Variants in LYRM4 observed in about 807,000 individuals in gnomAD.
The protein encoded by LYRM4 is LYR motif-containing protein 4.
LYRM4 carries 9 observed loss-of-function variants against 11.7 expected under a neutral mutation model. That is an observed-to-expected ratio of 0.77 (90% confidence interval 0.46 to 1.34). The LOEUF (loss-of-function observed/expected upper bound fraction) is 1.34, where lower values mean the gene tolerates loss of function less well. Ranked by LOEUF, LYRM4 falls within the 40% of genes most tolerant of loss-of-function variation. LYRM4 has a pLI of 0.00. For missense variants in LYRM4, 133 were observed against 112.5 expected (o/e 1.18, Z -0.82); for synonymous variants, 42 against 40.4 (o/e 1.04, Z -0.15).
At chr6:5,057,688 C>T in the LYRM4 span, among the ~76,000 whole-genome samples, 2 of 150,584 alleles carry the variant, frequency 1.3e-5, no homozygotes, top group Non-Finnish European at 2.9e-5. Context: ...GCACTCTAGC[C>T]TGGGCGACAG....
chr6:5,140,833 CT>C (rs1757367110), intron 2 of LYRM4, among the ~76,000 whole-genome samples: 1 of 152,196 alleles, frequency 6.6e-6, no homozygotes, highest in South Asian at 2.1e-4. Context: ...AAAACGTAGA[CT>C]TTCCTTTTTC....
chr6:5,151,362 C>T (rs561953334), intron 2 of LYRM4, among the ~76,000 whole-genome samples: 2 of 152,258 alleles, frequency 1.3e-5, no homozygotes, highest in South Asian at 4.2e-4. Context: ...GGATTACAGG[C>T]ATGAGCCACC....
intron 2 of LYRM4, among the ~76,000 whole-genome samples, chr6:5,173,394 C>A (rs531946856): frequency 1.3e-5 from 2 of 152,334 alleles, no homozygotes; most frequent in South Asian, 4.1e-4. Context: ...AAGTTTCTAA[C>A]CTCTGTATGA....
intron 1 of LYRM4, among the ~76,000 whole-genome samples, chr6:5,258,061 C>T (rs1480263034): frequency 6.6e-6 from 1 of 152,088 alleles, no homozygotes; most frequent in Non-Finnish European, 1.5e-5. Context: ...TGATAAAGGG[C>T]CTGCTGGATA....
intron 1 of LYRM4, among the ~76,000 whole-genome samples, chr6:5,259,581 T>TGGGCAGACCCATCTCAGGGCC (rs1764866477): frequency 6.6e-6 from 1 of 152,086 alleles, no homozygotes; most frequent in South Asian, 2.1e-4. Context: ...GAGGTTGTAC[T>TGGGCAGACCCATCTCAGGGCC]GGGCAGACCC....
At chr6:5,186,983 T>C (rs1336940966) in intron 2 of LYRM4, 1 of 717,294 alleles carries the variant, frequency 1.4e-6, no homozygotes, top group Non-Finnish European at 1.7e-6. Flanking sequence ...GAGTCCATCT[T>C]AAAAAAAAAA....
At chr6:5,142,871 C>T (rs200863) in intron 2 of LYRM4, among the ~76,000 whole-genome samples, 67,588 of 152,080 alleles carry the variant, frequency 0.44, 16,808 homozygotes, top group East Asian at 0.81. Flanking sequence ...CTAAGGAGAG[C>T]GCAGCCATCC....
the LYRM4 span, among the ~76,000 whole-genome samples, chr6:5,062,134 G>C: frequency 7.6e-6 from 1 of 131,004 alleles, no homozygotes; most frequent in Non-Finnish European, 1.5e-5. Context: ...GCCCAGGCTA[G>C]TGTGCAGTGG....
chr6:5,240,598 C>T (rs1193474741), intron 1 of LYRM4: 1 of 152,156 alleles, frequency 6.6e-6, no homozygotes, highest in Non-Finnish European at 1.5e-5. Context: ...GACAAGACAT[C>T]CTGGGCAAAG....
At chr6:5,057,298 G>C in the LYRM4 span, among the ~76,000 whole-genome samples, 2 of 152,240 alleles carry the variant, frequency 1.3e-5, no homozygotes, top group South Asian at 2.1e-4. Context: ...CGACCTGAAG[G>C]GGGAGCTCAA....
At chr6:5,034,910 G>T in the LYRM4 span, among the ~76,000 whole-genome samples, 1 of 151,802 alleles carries the variant, frequency 6.6e-6, no homozygotes, top group Non-Finnish European at 1.5e-5. Flanking sequence ...GGTTAAACCT[G>T]CAGGGCAGGC....
At chr6:5,092,001 C>T in the LYRM4 span, among the ~76,000 whole-genome samples, 1 of 152,172 alleles carries the variant, frequency 6.6e-6, no homozygotes, top group Non-Finnish European at 1.5e-5. Context: ...GAGTCGACAG[C>T]ATACTAACAT....
At chr6:5,068,236 G>A in the LYRM4 span, among the ~76,000 whole-genome samples, 5 of 152,198 alleles carry the variant, frequency 3.3e-5, no homozygotes, top group South Asian at 2.1e-4. This position sits in a 1 kb window ranked among gnomAD's most constrained non-coding sequence, Gnocchi z 4.0. Context: ...GTAGAAGTCA[G>A]TTTGGAAATG....
At chr6:5,186,799 T>C in intron 2 of LYRM4, 1 of 600,534 alleles carries the variant, frequency 1.7e-6, no homozygotes, top group Admixed American at 2.9e-5. Flanking sequence ...GCCTGACTAA[T>C]ACAGTGAAAT....
At chr6:5,195,477 C>G (rs761962684) in intron 2 of LYRM4, among the ~76,000 whole-genome samples, 13 of 151,956 alleles carry the variant, frequency 8.6e-5, no homozygotes, top group Non-Finnish European at 1.5e-4. Flanking sequence ...CAAAAAAAAC[C>G]CCGACAATTA....
the LYRM4 span, chr6:5,088,633 C>T: frequency 2.6e-5 from 4 of 152,188 alleles, no homozygotes; most frequent in African/African-American, 9.7e-5. Context: ...TTACAAAAGG[C>T]TGGCCAACCC....
At chr6:5,252,180 C>T (rs1277783789) in intron 1 of LYRM4, among the ~76,000 whole-genome samples, 1 of 152,138 alleles carries the variant, frequency 6.6e-6, no homozygotes, top group East Asian at 1.9e-4. Flanking sequence ...TAAACTTCTC[C>T]AGGTTGATGT....
intron 2 of LYRM4, among the ~76,000 whole-genome samples, chr6:5,161,532 TA>T (rs1237560215): frequency 3.5e-4 from 54 of 152,212 alleles, no homozygotes; most frequent in African/African-American, 1.2e-3. Context: ...ATATACCTAT[TA>T]TTTTTTTGTT....
the LYRM4 span, chr6:5,085,857 C>A: frequency 6.5e-7 from 1 of 1,530,236 alleles, no homozygotes; most frequent in Non-Finnish European, 8.7e-7. Flanking sequence ...CGGGCGGCTG[C>A]TGCGCCAAGT....
Sources: allele counts gnomAD v4.1 joint callset (sites outside exome capture counted in the v4.1 genomes callset), GRCh38; gene constraint gnomAD v4.1.1; non-coding constraint Gnocchi (gnomAD v3.1); transcripts MANE v1.5; gene names NCBI Gene and HGNC (gene_info 2026-07-23, HGNC 2026-07-21).